ERC2: variants seen among roughly 807,000 people sequenced by gnomAD.
ERC2 encodes the protein ELKS/RAB6-interacting/CAST family member 2.
In ERC2, 42 loss-of-function variants were observed where a neutral mutation model predicts 114.8. The observed-to-expected ratio is 0.37, with a 90% CI of 0.29 to 0.47. The LOEUF (loss-of-function observed/expected upper bound fraction) is 0.47, where lower values mean the gene tolerates loss of function less well. Ranked by LOEUF, ERC2 falls within the 20% of genes least tolerant of loss-of-function variation. The pLI is 0.99. For synonymous variants in ERC2, 454 were observed against 425.5 expected (o/e 1.07, Z -0.82); for missense variants, 939 against 1,150.7 (o/e 0.82, Z 2.66).
At chr3:56,002,988 G>T (rs534493190) in intron 10 of ERC2, 2 of 653,738 alleles carry the variant, frequency 3.1e-6, no homozygotes, top group African/African-American at 3.0e-5. Context: ...ACGGAAAGGG[G>T]AAGAAACTCA....
At chr3:56,263,361 A>T (rs2150269178) in intron 3 of ERC2, among the ~76,000 whole-genome samples, 1 of 144,988 alleles carries the variant, frequency 6.9e-6, no homozygotes, top group African/African-American at 2.5e-5. Flanking sequence ...CAGTGAAATT[A>T]AAAAAAAAAA....
At chr3:55,842,768 T>A (rs530749375) in intron 14 of ERC2, among the ~76,000 whole-genome samples, 43 of 152,276 alleles carry the variant, frequency 2.8e-4, no homozygotes, top group African/African-American at 9.1e-4. Context: ...TGGAAAGGAC[T>A]GCTTGGCTTT....
chr3:55,828,360 G>C (rs2060419294), intron 14 of ERC2, among the ~76,000 whole-genome samples: 1 of 151,862 alleles, frequency 6.6e-6, no homozygotes, highest in Non-Finnish European at 1.5e-5. Context: ...CATAGACCTG[G>C]GGAAAGAGAC....
intron 13 of ERC2, among the ~76,000 whole-genome samples, chr3:55,903,052 T>A (rs1283702131): frequency 6.6e-6 from 1 of 152,210 alleles, no homozygotes. Flanking sequence ...CATCTTAACA[T>A]GTGACACTTT....
intron 7 of ERC2, among the ~76,000 whole-genome samples, chr3:56,078,329 C>T (rs1204014057): frequency 6.6e-6 from 1 of 152,120 alleles, no homozygotes; most frequent in Non-Finnish European, 1.5e-5. Context: ...TTTGGTAAAG[C>T]CTCTATAATT....
intron 3 of ERC2, among the ~76,000 whole-genome samples, chr3:56,179,739 G>A (rs2083185335): frequency 6.6e-6 from 1 of 151,972 alleles, no homozygotes; most frequent in African/African-American, 2.4e-5. Flanking sequence ...GGAAGATTGG[G>A]AAGGAAAGGT....
At chr3:55,650,898 G>T (rs1294999627) in intron 17 of ERC2, among the ~76,000 whole-genome samples, 2 of 150,890 alleles carry the variant, frequency 1.3e-5, no homozygotes, top group African/African-American at 4.9e-5. Flanking sequence ...CTGGGCTGGA[G>T]TGCGGTGGCG....
In ERC2 at chr3:56,348,932, GAAGGAAGGAAGGAAGGA is replaced by G. The variant is rs1263150647; in HGVS notation, c.658-52514_658-52498del. 2.3e-3 allele frequency among the ~76,000 whole-genome samples: 317 copies of G among 139,410 alleles called. 3 individuals carry two copies. Among genetic ancestry groups the G allele is most frequent in the African/African-American group, 7.7e-3 (276 of 35,764 alleles). The allele number at this position is 139,410 out of a possible 152,430, so 91.5% of individuals were successfully genotyped here. ...AGAAGGAAGGAAGGAAGGAAGGAAG[GAAGGAAGGAAGGAAGGA>G]AGGAAGGAAAGAAAGAAAGAAGGAA... is the stretch of plus-strand genomic sequence containing the variant. On this transcript the variant is annotated intron_variant, in intron 2 of 17. Transcript: ENST00000288221.
At chr3:55,784,097 G>A (rs2069282311) in intron 14 of ERC2, among the ~76,000 whole-genome samples, 1 of 152,164 alleles carries the variant, frequency 6.6e-6, no homozygotes, top group South Asian at 2.1e-4. Flanking sequence ...ATGGGCTAAG[G>A]CTTTTTAGGA....
chr3:56,343,903 T>C (rs2058200393), intron 2 of ERC2, among the ~76,000 whole-genome samples: 1 of 152,198 alleles, frequency 6.6e-6, no homozygotes, highest in Admixed American at 6.5e-5. Context: ...AGCCACAATA[T>C]AACGCTAGAC....
chr3:56,449,299 G>A (rs2062725435), intron 1 of ERC2, among the ~76,000 whole-genome samples: 1 of 152,082 alleles, frequency 6.6e-6, no homozygotes, highest in African/African-American at 2.4e-5. Flanking sequence ...CAGGCCTGTA[G>A]GTACCCAGAG....
chr3:55,745,527 G>A lies in ERC2; in HGVS notation c.2565-10609C>T, dbSNP rs181568018. Among the ~76,000 whole-genome samples the A allele has an allele frequency of 2.0e-5, 3 of 152,300 alleles. No homozygotes were observed. The East Asian group carries it at 5.8e-4, about 29-fold the overall frequency. ...CTGTTAGTGGTAATGTTAGATGATG[G>A]TGCTTGGTCATTCTTGTTATTCCCG... On this transcript the variant is annotated intron_variant, in intron 14 of 17. Coordinates refer to ENST00000288221, the MANE Select transcript of ERC2 (RefSeq NM_015576.3).
chr3:56,281,596 GCA>G (rs1553907442), intron 3 of ERC2, among the ~76,000 whole-genome samples: 1 of 152,164 alleles, frequency 6.6e-6, no homozygotes, highest in African/African-American at 2.4e-5. Context: ...CTCAGGGAAT[GCA>G]CAGTCTTGAG....
intron 14 of ERC2, among the ~76,000 whole-genome samples, chr3:55,807,114 A>C (rs1173397717): frequency 6.6e-6 from 1 of 152,190 alleles, no homozygotes; most frequent in African/African-American, 2.4e-5. Context: ...TCAACATGTG[A>C]AGGACGGTGA....
chr3:56,077,441 A>G (rs1170339026), intron 7 of ERC2, among the ~76,000 whole-genome samples: 1 of 152,222 alleles, frequency 6.6e-6, no homozygotes, highest in Non-Finnish European at 1.5e-5. Flanking sequence ...AGGAGCCATA[A>G]TATACAACTG....
At chr3:56,413,429 A>G in intron 2 of ERC2, among the ~76,000 whole-genome samples, 1 of 152,172 alleles carries the variant, frequency 6.6e-6, no homozygotes, top group East Asian at 1.9e-4. Flanking sequence ...CACAGCAGGT[A>G]TGGCCATCTT....
intron 16 of ERC2, among the ~76,000 whole-genome samples, chr3:55,697,448 G>A (rs978540702): frequency 4.6e-5 from 7 of 152,172 alleles, no homozygotes; most frequent in African/African-American, 1.7e-4. Flanking sequence ...ACTCTTCTGG[G>A]AAGGACACCA....
At chr3:55,533,962 C>CT (rs1478658161) in intron 17 of ERC2, among the ~76,000 whole-genome samples, 40 of 152,310 alleles carry the variant, frequency 2.6e-4, no homozygotes, top group Admixed American at 2.6e-3. Flanking sequence ...AATGCAGCCC[C>CT]TACAATTGGA....
At chr3:55,676,161 G>GA (rs1346917578) in intron 17 of ERC2, among the ~76,000 whole-genome samples, 1 of 151,634 alleles carries the variant, frequency 6.6e-6, no homozygotes, top group African/African-American at 2.4e-5. Context: ...GACCTCAAGT[G>GA]ATCTGTCCGC....
Sources: gnomAD v4.1 joint callset for allele counts (sites outside exome capture counted in the v4.1 genomes callset) on GRCh38, gnomAD v4.1.1 for gene constraint, MANE v1.5 for transcripts, NCBI Gene and HGNC (gene_info 2026-07-23, HGNC 2026-07-21) for gene names.